DAB1: variants seen among roughly 807,000 people sequenced by gnomAD.
DAB1 encodes the protein disabled homolog 1.
A neutral mutation model predicts 64.6 loss-of-function variants in DAB1; 15 were observed. The observed-to-expected ratio is 0.23, with a 90% CI of 0.16 to 0.36. The LOEUF (loss-of-function observed/expected upper bound fraction) is 0.36, where lower values mean the gene tolerates loss of function less well. DAB1 is among the 10% of genes least tolerant of loss of function. DAB1 has a pLI of 1.00. For missense variants in DAB1, 596 were observed against 706.7 expected, an observed-to-expected ratio of 0.84 and a Z score of 1.78; for synonymous variants, 235 against 251.9, an observed-to-expected ratio of 0.93 and a Z score of 0.64.
chr1:57,528,561 A>G (rs572000838), intron 7 of DAB1, among the ~76,000 whole-genome samples: 2 of 152,040 alleles, frequency 1.3e-5, no homozygotes, highest in Non-Finnish European at 2.9e-5. Context: ...TAGAATAAAA[A>G]CAAAGAAACC....
intron 4 of DAB1, among the ~76,000 whole-genome samples, chr1:58,240,087 A>G (rs1322703048): frequency 1.3e-5 from 2 of 152,174 alleles, no homozygotes; most frequent in Non-Finnish European, 2.9e-5. Context: ...AAACCCAGGG[A>G]ACACCAGAAT....
At chr1:58,324,284 A>G (rs1417968801) in intron 4 of DAB1, among the ~76,000 whole-genome samples, 1 of 152,224 alleles carries the variant, frequency 6.6e-6, no homozygotes, top group East Asian at 1.9e-4. Flanking sequence ...TTACTGAGTT[A>G]TTGTCCAAAT....
At chr1:58,370,013 AT>A (rs1171594307) in intron 3 of DAB1, among the ~76,000 whole-genome samples, 1 of 152,106 alleles carries the variant, frequency 6.6e-6, no homozygotes, top group Non-Finnish European at 1.5e-5. Flanking sequence ...AACTAGTAAA[AT>A]TTTTTTTAAA....
At chr1:57,559,727 C>T (rs1032043951) in intron 7 of DAB1, among the ~76,000 whole-genome samples, 20 of 152,196 alleles carry the variant, frequency 1.3e-4, no homozygotes, top group Non-Finnish European at 8.8e-5. Flanking sequence ...CACTTAGCAG[C>T]TGGCAGAAAC....
chr1:57,134,111 C>T (rs1045968920), intron 4 of DAB1, among the ~76,000 whole-genome samples: 3 of 152,148 alleles, frequency 2.0e-5, no homozygotes, highest in Non-Finnish European at 2.9e-5. Context: ...TGCTTGAATA[C>T]CCCCAGCGAC....
intron 4 of DAB1, among the ~76,000 whole-genome samples, chr1:58,205,731 G>A (rs959463433): frequency 1.3e-5 from 2 of 152,092 alleles, no homozygotes; most frequent in African/African-American, 4.8e-5. Context: ...TGATGAATGC[G>A]CCAGCAAACC....
intron 5 of DAB1, among the ~76,000 whole-genome samples, chr1:58,132,304 A>G (rs567176240): frequency 9.9e-4 from 150 of 151,988 alleles, no homozygotes; most frequent in Middle Eastern, 3.4e-3. Flanking sequence ...GCAATGCCTC[A>G]CCCTGCTTCA....
chr1:58,452,013 C>T (rs557322232), intron 3 of DAB1, among the ~76,000 whole-genome samples: 2 of 151,826 alleles, frequency 1.3e-5, no homozygotes, highest in South Asian at 2.1e-4. Context: ...TGTGCCCCAC[C>T]GCCCCGCCCC....
chr1:57,703,636 C>G (rs1646932900), intron 6 of DAB1, among the ~76,000 whole-genome samples: 1 of 152,118 alleles, frequency 6.6e-6, no homozygotes, highest in Admixed American at 6.6e-5. Context: ...GGTGATTCCT[C>G]AAAGACCTAA....
At chr1:58,423,471 C>T (rs554558729) in intron 3 of DAB1, among the ~76,000 whole-genome samples, 9 of 152,182 alleles carry the variant, frequency 5.9e-5, no homozygotes, top group Non-Finnish European at 8.8e-5. Context: ...TTTCTCCCAG[C>T]CCCAGCTCTG....
At chr1:57,226,672 A>AAAAAAAAT (rs747021990) in intron 2 of DAB1, among the ~76,000 whole-genome samples, 8 of 136,012 alleles carry the variant, frequency 5.9e-5, no homozygotes, top group African/African-American at 2.5e-4. Context: ...TTAAAAAAAA[A>AAAAAAAAT]ATATATATAT....
intron 4 of DAB1, among the ~76,000 whole-genome samples, chr1:57,109,959 A>G (rs1655506564): frequency 6.6e-6 from 1 of 152,090 alleles, no homozygotes; most frequent in Non-Finnish European, 1.5e-5. Context: ...GAAATTTACC[A>G]CTTTCCTCCC....
chr1:58,086,366 A>G (rs973136028), intron 5 of DAB1, among the ~76,000 whole-genome samples: 2 of 152,164 alleles, frequency 1.3e-5, no homozygotes, highest in African/African-American at 2.4e-5. Context: ...TTGTTTAAAG[A>G]GTATTTCTTG....
chr1:57,288,899 T>A (rs890405453), intron 2 of DAB1, among the ~76,000 whole-genome samples: 1 of 152,214 alleles, frequency 6.6e-6, no homozygotes, highest in Non-Finnish European at 1.5e-5. Context: ...TTTTCATTAA[T>A]CTTCATAGTG....
chr1:57,056,647 C>G (rs540986681), intron 9 of DAB1, among the ~76,000 whole-genome samples: 15 of 151,976 alleles, frequency 9.9e-5, no homozygotes, highest in Non-Finnish European at 2.2e-4. Flanking sequence ...GGTGGATCAC[C>G]TGAGGTTAGG....
chr1:57,664,745 T>C (rs1646426579), intron 6 of DAB1, among the ~76,000 whole-genome samples: 2 of 152,040 alleles, frequency 1.3e-5, no homozygotes, highest in African/African-American at 2.4e-5. Context: ...TTTGTATCTA[T>C]AATATAAAGC....
chr1:57,782,624 C>T (rs1489626443), intron 6 of DAB1, among the ~76,000 whole-genome samples: 1 of 152,074 alleles, frequency 6.6e-6, no homozygotes, highest in Admixed American at 6.5e-5. Context: ...AATAAGTTGG[C>T]AAAGTTTTTT....
intron 9 of DAB1, among the ~76,000 whole-genome samples, chr1:57,030,426 G>C (rs1484483208): frequency 6.6e-6 from 1 of 152,218 alleles, no homozygotes; most frequent in East Asian, 1.9e-4. Context: ...TCCTGAAGGA[G>C]AGGAGCCATG....
intron 5 of DAB1, among the ~76,000 whole-genome samples, chr1:58,147,306 CAAAAA>C (rs1192982112): frequency 2.4e-5 from 1 of 41,698 alleles, no homozygotes; most frequent in African/African-American, 1.1e-4. Flanking sequence ...GACTCCGTCT[CAAAAA>C]AAAAAAAAAA....
Sources: gnomAD v4.1 joint callset for allele counts (sites outside exome capture counted in the v4.1 genomes callset) on GRCh38, gnomAD v4.1.1 for gene constraint, MANE v1.5 for transcripts, NCBI Gene and HGNC (gene_info 2026-07-23, HGNC 2026-07-21) for gene names.